Variants in MTSS1 observed in about 807,000 individuals in gnomAD.
MTSS1 encodes protein MTSS 1.
A neutral mutation model predicts 79.0 loss-of-function variants in MTSS1; 18 were observed. The observed-to-expected ratio is 0.23, with a 90% CI of 0.16 to 0.34. The LOEUF is 0.34. Among genes scored for constraint, MTSS1 ranks in the 10% least tolerant of loss-of-function variants. MTSS1 has a pLI of 1.00. For synonymous variants in MTSS1, 341 were observed against 368.6 expected, an observed-to-expected ratio of 0.93 and a Z score of 0.86; for missense variants, 815 against 986.2, an observed-to-expected ratio of 0.83 and a Z score of 2.33.
chr8:124,704,846 T>C (rs1436283378), intron 1 of MTSS1, among the ~76,000 whole-genome samples: 1 of 152,140 alleles, frequency 6.6e-6, no homozygotes, highest in Non-Finnish European at 1.5e-5. Flanking sequence ...TTAAGATCAA[T>C]AATCCTGCTT....
At chr8:124,604,615 GT>G (rs1433614179) in intron 3 of MTSS1, among the ~76,000 whole-genome samples, 1 of 151,992 alleles carries the variant, frequency 6.6e-6, no homozygotes, top group Non-Finnish European at 1.5e-5. Context: ...TAAAAAACCT[GT>G]TTTATTCAGC....
chr8:124,727,831 G>T lies in MTSS1; in HGVS notation c.72+53C>A, dbSNP rs762854055. On this transcript the variant is annotated intron_variant, in intron 1 of 13. Coordinates refer to ENST00000518547, the MANE Select transcript of MTSS1 (RefSeq NM_014751.6). This position sits in a 1 kb window ranked among gnomAD's most constrained non-coding sequence, Gnocchi z 4.7. The stretch of plus-strand genomic sequence containing the variant: ...GCCCGGGGTGGAGGCGAAGCGCGGC[G>T]GCGAGGTCAGAGCGCGGCGGCCGGC... 63 of 1,471,716 alleles carry T rather than the reference G, an allele frequency of 4.3e-5. No homozygotes were observed. Among genetic ancestry groups the T allele is most frequent in the Non-Finnish European group, 5.3e-5 (59 of 1,103,578 alleles). The allele number at this position is 1,471,716 out of a possible 1,614,324, so 91.2% of individuals were successfully genotyped here. A position where few individuals can be genotyped will look rare whatever the true frequency, so the allele number is the denominator to read the frequency against.
At chr8:124,586,711 A>G (rs1830921147) in intron 5 of MTSS1, among the ~76,000 whole-genome samples, 1 of 152,254 alleles carries the variant, frequency 6.6e-6, no homozygotes, top group African/African-American at 2.4e-5. Flanking sequence ...TTTGTACCCC[A>G]CAACCTCTTG....
chr8:124,553,227 G>C lies in MTSS1; in HGVS notation c.2033C>G (p.Pro678Arg). 1 of 1,614,104 alleles carries C rather than the reference G, an allele frequency of 6.2e-7. No individual in the cohort carries two copies. Among genetic ancestry groups the C allele is most frequent in the Non-Finnish European group, 8.5e-7 (1 of 1,180,034 alleles). The change falls in exon 14 of 14, where the codon CCG becomes CGG. Residue 678 changes from proline (P) to arginine (R), a missense_variant. By Grantham distance (103) the Pro-to-Arg change is moderately radical. Coordinates refer to ENST00000518547, the MANE Select transcript of MTSS1 (RefSeq NM_014751.6). The surrounding 1 kb of genome is among the most constrained non-coding windows in gnomAD (Gnocchi z 6.0). ...QASVNPPLPG[P>R]KPSIPEEHRQ... ...GTGCTCCTCAGGGATACTGGGCTTCGGGCCTGGAAGTGGAGGGTTAACGGA... is the reference window on the plus strand; with the variant it reads ...GTGCTCCTCAGGGATACTGGGCTTCCGGCCTGGAAGTGGAGGGTTAACGGA...
At chr8:124,605,804 A>G (rs1190746268) in intron 3 of MTSS1, among the ~76,000 whole-genome samples, 3 of 152,062 alleles carry the variant, frequency 2.0e-5, no homozygotes, top group Non-Finnish European at 2.9e-5. Context: ...CGACTTTATC[A>G]TCTCTTAGGA....
chr8:124,622,532 T>C (rs1813785834), intron 3 of MTSS1, among the ~76,000 whole-genome samples: 1 of 150,206 alleles, frequency 6.7e-6, no homozygotes, highest in Non-Finnish European at 1.5e-5. Context: ...CAGTGGCTCA[T>C]TCCCATAATC....
intron 3 of MTSS1, among the ~76,000 whole-genome samples, chr8:124,676,356 C>T (rs1259834420): frequency 6.6e-6 from 1 of 152,188 alleles, no homozygotes; most frequent in Non-Finnish European, 1.5e-5. Flanking sequence ...CAAAGCAAAG[C>T]TCTTCATCTC....
intron 1 of MTSS1, among the ~76,000 whole-genome samples, chr8:124,725,888 G>A (rs142244131): frequency 4.9e-4 from 75 of 151,990 alleles, no homozygotes; most frequent in African/African-American, 1.6e-3. Context: ...TTCATCTCTC[G>A]AGTCTCCAAA....
intron 3 of MTSS1, among the ~76,000 whole-genome samples, chr8:124,605,192 T>G (rs1338005700): frequency 6.6e-6 from 1 of 152,194 alleles, no homozygotes; most frequent in Non-Finnish European, 1.5e-5. Context: ...ATTGCCATGG[T>G]CTGCCTCTGC....
chr8:124,589,500 G>C (rs1295859028), intron 5 of MTSS1, 120 bp downstream of exon 5: 2 of 704,462 alleles, frequency 2.8e-6, no homozygotes, highest in Admixed American at 2.5e-5. Context: ...TAGGGACAGA[G>C]TGGGCCCTTG....
intron 10 of MTSS1, among the ~76,000 whole-genome samples, chr8:124,559,744 A>T (rs533005633): frequency 2.0e-5 from 3 of 152,300 alleles, no homozygotes; most frequent in Admixed American, 2.0e-4. Context: ...AATGAGTGAC[A>T]ATGATCATCT....
intron 6 of MTSS1, among the ~76,000 whole-genome samples, chr8:124,571,485 C>T (rs1481890380): frequency 1.3e-5 from 2 of 152,176 alleles, no homozygotes; most frequent in Non-Finnish European, 2.9e-5. Flanking sequence ...TAGAGGGCTA[C>T]TTCTAGTCTC....
At chr8:124,578,515 G>T (rs1182870090) in intron 6 of MTSS1, among the ~76,000 whole-genome samples, 1 of 151,984 alleles carries the variant, frequency 6.6e-6, no homozygotes, top group Non-Finnish European at 1.5e-5. Flanking sequence ...CCCAGCACTG[G>T]CTGGCAGGGT....
intron 3 of MTSS1, among the ~76,000 whole-genome samples, chr8:124,604,254 C>T (rs757168591): frequency 2.0e-5 from 3 of 151,856 alleles, no homozygotes; most frequent in South Asian, 4.2e-4. Context: ...AAAAAAAAAC[C>T]GTTTCAAGAA....
chr8:124,710,314 T>C (rs776547644), intron 1 of MTSS1, among the ~76,000 whole-genome samples: 1 of 152,236 alleles, frequency 6.6e-6, no homozygotes, highest in Non-Finnish European at 1.5e-5. Context: ...AATGGTCACA[T>C]ACCTGGCATC....
rs1476889618 is a variant in MTSS1, at chr8:124,551,251, T to G, written c.*1741A>C. The G allele has an allele frequency of 6.5e-6, 1 of 152,702 alleles. No individual in the cohort carries two copies. The highest frequency in any genetic ancestry group is 2.4e-5 in the African/African-American group (1 of 41,476). 9.5% of individuals were successfully genotyped at this position (152,702 alleles called of 1,614,324 possible). A position where few individuals can be genotyped will look rare whatever the true frequency, so the allele number is the denominator to read the frequency against. ...ATCATATGCACAATGCATCAGCTACTTTTAGTCATCAAGATTGGTGGGCTA... is the reference window on the plus strand; with the variant it reads ...ATCATATGCACAATGCATCAGCTACGTTTAGTCATCAAGATTGGTGGGCTA... On this transcript the variant is annotated 3_prime_UTR_variant, in exon 14 of 14. Coordinates refer to ENST00000518547, the MANE Select transcript of MTSS1 (RefSeq NM_014751.6).
intron 5 of MTSS1, among the ~76,000 whole-genome samples, chr8:124,587,575 C>T (rs35396054): frequency 0.17 from 26,393 of 152,120 alleles, 3,046 homozygotes; most frequent in African/African-American, 0.32. Flanking sequence ...CTCAGCTCAC[C>T]GCAGCCTCCG....
At position 124,562,796 on chromosome 8, in the gene MTSS1, C is replaced by G; in HGVS notation, c.1021G>C (p.Glu341Gln). The G allele has an allele frequency of 6.2e-7, 1 of 1,614,098 alleles. No individual in the cohort carries two copies. The highest frequency in any genetic ancestry group is 8.5e-7 in the Non-Finnish European group (1 of 1,180,018). Residue 341 changes from glutamate to glutamine, a missense_variant, in exon 10 of 14, where the codon GAG becomes CAG. Around this residue, in one of 2 missense-constraint regions of MTSS1, gnomAD observed 590 missense variants for 620.8 expected, o/e 0.95. Coordinates refer to ENST00000518547, the MANE Select transcript of MTSS1 (RefSeq NM_014751.6). ...GGCACCCTTACCTGGTTGGGGGCCT[C>G]TGGCGGCATGGGGGATGGTGACTTG... ...QSKSPSPMPP[E>Q]APNQLSNGFS...
At chr8:124,568,929 G>A in intron 6 of MTSS1, 1 of 1,219,068 alleles carries the variant, frequency 8.2e-7, no homozygotes, top group African/African-American at 1.5e-5. Context: ...GAGCCTGTGG[G>A]TGTTTCCAAA....
Sources: allele counts gnomAD v4.1 joint callset (sites outside exome capture counted in the v4.1 genomes callset), GRCh38; gene constraint gnomAD v4.1.1; regional missense constraint gnomAD v4.1.1; non-coding constraint Gnocchi (gnomAD v3.1); transcripts MANE v1.5; gene names NCBI Gene and HGNC (gene_info 2026-07-23, HGNC 2026-07-21).